RUFY3: variants seen among roughly 807,000 people sequenced by gnomAD.
RUFY3 encodes RUN and FYVE domain containing 3.
Under a neutral mutation model 84.0 loss-of-function variants are expected in RUFY3, and 34 were observed. The observed-to-expected ratio is 0.40, with a 90% CI of 0.31 to 0.54. RUFY3 has a LOEUF of 0.54. Ranked by LOEUF, RUFY3 falls within the 20% of genes least tolerant of loss-of-function variation. The pLI is 0.39. For synonymous variants in RUFY3, 242 were observed against 252.9 expected (o/e 0.96, Z 0.41); for missense variants, 507 against 736.8 (o/e 0.69, Z 3.61).
At chr4:70,708,281 C>T (rs1332699632) in intron 1 of RUFY3, among the ~76,000 whole-genome samples, 1 of 152,118 alleles carries the variant, frequency 6.6e-6, no homozygotes, top group Non-Finnish European at 1.5e-5. Context: ...AAGAGATTCT[C>T]CTGCCTCAGC....
intron 5 of RUFY3, among the ~76,000 whole-genome samples, chr4:70,769,427 C>G (rs572310522): frequency 7.9e-5 from 12 of 152,312 alleles, no homozygotes; most frequent in African/African-American, 2.9e-4. Context: ...CATACCTTAA[C>G]TTAAAAATAC....
chr4:70,744,832 T>C (rs1721931390), intron 1 of RUFY3, among the ~76,000 whole-genome samples: 1 of 151,128 alleles, frequency 6.6e-6, no homozygotes, highest in Non-Finnish European at 1.5e-5. Context: ...TTTTTGCATT[T>C]TTAGTAGAGA....
At position 70,759,697 on chromosome 4, in the gene RUFY3, C is replaced by T. The variant is rs113177467; in HGVS notation, c.179-2822C>T. 3.6e-3 allele frequency among the ~76,000 whole-genome samples: 546 copies of T among 152,184 alleles called. 2 individuals are homozygous for T. The highest frequency in any genetic ancestry group is 0.013 in the African/African-American group (530 of 41,542). ...CACACCAGCATTTTTTATTTTTTGTCTTGTTAGTAATAGCCATTCTGAGTG... is the reference window on the plus strand; with the variant it reads ...CACACCAGCATTTTTTATTTTTTGTTTTGTTAGTAATAGCCATTCTGAGTG... On this transcript the variant is annotated intron_variant, in intron 1 of 17. Transcript: ENST00000381006.
At chr4:70,774,021 T>A (rs73824892) in intron 6 of RUFY3, among the ~76,000 whole-genome samples, 11,570 of 152,276 alleles carry the variant, frequency 0.076, 714 homozygotes, top group East Asian at 0.2. Context: ...TCTTCTTGTA[T>A]ATCTAAAATT....
At chr4:70,799,125 AC>A (rs1177630023) in intron 14 of RUFY3, among the ~76,000 whole-genome samples, 2 of 150,592 alleles carry the variant, frequency 1.3e-5, no homozygotes, top group Non-Finnish European at 3.0e-5. Context: ...AGCCTGGGCG[AC>A]AGAGCAAGAC....
At chr4:70,737,600 T>A (rs1179506364) in intron 1 of RUFY3, among the ~76,000 whole-genome samples, 1 of 152,092 alleles carries the variant, frequency 6.6e-6, no homozygotes, top group Non-Finnish European at 1.5e-5. Flanking sequence ...TCAGCCCTCC[T>A]TAGCGTTCTA....
At position 70,722,222 on chromosome 4, in the gene RUFY3, C is replaced by T; in HGVS notation, c.-352C>T. On this transcript the variant is annotated 5_prime_UTR_variant, in exon 1 of 18. Coordinates refer to ENST00000381006, the MANE Select transcript of RUFY3 (RefSeq NM_001037442.4). ...TTTTTAAAGCCAGCTAAGGCAGCAT[C>T]AGCTGTGCGGGATTTAAAGCCTATA... 3 of 1,229,716 alleles carry T rather than the reference C, an allele frequency of 2.4e-6. No individual in the cohort carries two copies. Among genetic ancestry groups the T allele is most frequent in the Non-Finnish European group, 3.0e-6 (3 of 987,428 alleles). The allele number at this position is 1,229,716 out of a possible 1,614,324, so 76.2% of individuals were successfully genotyped here. A position where few individuals can be genotyped will look rare whatever the true frequency, so the allele number is the denominator to read the frequency against.
intron 1 of RUFY3, among the ~76,000 whole-genome samples, chr4:70,725,615 G>C (rs891756562): frequency 6.6e-6 from 1 of 152,176 alleles, no homozygotes; most frequent in Non-Finnish European, 1.5e-5. Context: ...ACAGGTGTGA[G>C]CCACCATGCC....
rs1256338140 is a variant in RUFY3, at chr4:70,807,916, A to T, written c.*1257A>T. On this transcript the variant is annotated 3_prime_UTR_variant, in exon 18 of 18. Coordinates refer to ENST00000381006, the MANE Select transcript of RUFY3 (RefSeq NM_001037442.4). Reference sequence around the variant, plus strand: ...ATGAGAGCTGATAGATGCTTTCTTGAAAAGGGCAATACAGTCATCCCTTGG... The same window carrying T: ...ATGAGAGCTGATAGATGCTTTCTTGTAAAGGGCAATACAGTCATCCCTTGG... Among the ~76,000 whole-genome samples the T allele has an allele frequency of 6.6e-6, 1 of 152,116 alleles. No individual in the cohort carries two copies. Among genetic ancestry groups the T allele is most frequent in the Non-Finnish European group, 1.5e-5 (1 of 68,006 alleles).
Position 70,804,329 on chromosome 4 carries a change from A to G in RUFY3, c.1651-19A>G. On this transcript the variant is annotated intron_variant, in intron 16 of 17. Transcript: ENST00000381006. ...TTTCTGGCACTAAGAAAAACTAACC[A>G]GCTCCCTGTGTGGTTTAGGATCAGC... 2 of 1,612,924 alleles carry G rather than the reference A, an allele frequency of 1.2e-6. No homozygotes were observed. The highest frequency in any genetic ancestry group is 1.7e-6 in the Non-Finnish European group (2 of 1,179,176).
In RUFY3 at chr4:70,748,405, A is replaced by G. The variant is rs539147408; in HGVS notation, c.179-14114A>G. Among the ~76,000 whole-genome samples the G allele has an allele frequency of 3.3e-4, 51 of 152,344 alleles. No individual in the cohort carries two copies. The South Asian group carries it at 5.8e-3, about 17-fold the overall frequency. ...TAGGATCTACCTCAAGTACTGCAGT[A>G]TATTGAGATTTATCACACTTTTATT... On this transcript the variant is annotated intron_variant, in intron 1 of 17. Coordinates refer to ENST00000381006, the MANE Select transcript of RUFY3 (RefSeq NM_001037442.4).
chr4:70,756,090 C>T (rs375360342), intron 1 of RUFY3, among the ~76,000 whole-genome samples: 1 of 152,188 alleles, frequency 6.6e-6, no homozygotes, highest in South Asian at 2.1e-4. Context: ...TCTGCACCAT[C>T]GTCCATCTAA....
intron 7 of RUFY3, among the ~76,000 whole-genome samples, chr4:70,776,914 A>G (rs551303173): frequency 2.0e-5 from 3 of 152,360 alleles, no homozygotes; most frequent in East Asian, 1.9e-4. Flanking sequence ...AGTGTTGTAT[A>G]TATGTTCACA....
chr4:70,759,076 A>C (rs1337933720), intron 1 of RUFY3, among the ~76,000 whole-genome samples: 2 of 152,100 alleles, frequency 1.3e-5, no homozygotes, highest in Non-Finnish European at 2.9e-5. Flanking sequence ...TCACCATACA[A>C]TGCTACAGAA....
At chr4:70,790,568 A>G (rs189321840) in intron 12 of RUFY3, among the ~76,000 whole-genome samples, 1 of 152,360 alleles carries the variant, frequency 6.6e-6, no homozygotes. Flanking sequence ...ACCTCTTTGC[A>G]GCTAGAAATG....
chr4:70,771,227 C>A (rs1027004077), intron 5 of RUFY3, among the ~76,000 whole-genome samples: 1 of 152,122 alleles, frequency 6.6e-6, no homozygotes, highest in East Asian at 1.9e-4. Flanking sequence ...AATATACTTG[C>A]ATGACGCAGG....
chr4:70,706,899 T>C (rs898857790), intron 1 of RUFY3, among the ~76,000 whole-genome samples: 16 of 152,230 alleles, frequency 1.1e-4, no homozygotes, highest in African/African-American at 3.9e-4. Flanking sequence ...AAACACCGCC[T>C]CTTTTTTTGT....
chr4:70,749,975 A>C (rs192637749), intron 1 of RUFY3, among the ~76,000 whole-genome samples: 23 of 151,556 alleles, frequency 1.5e-4, no homozygotes, highest in Middle Eastern at 3.4e-3. Context: ...CTTTTACTTT[A>C]AATTTTTTAC....
chr4:70,792,912 A>C (rs1002634031), intron 12 of RUFY3: 6 of 985,372 alleles, frequency 6.1e-6, no homozygotes, highest in Non-Finnish European at 6.0e-6. Context: ...CTCTTCATCA[A>C]CCTTTTGTGG....
Sources: allele counts gnomAD v4.1 joint callset (sites outside exome capture counted in the v4.1 genomes callset), GRCh38; gene constraint gnomAD v4.1.1; transcripts MANE v1.5; gene names NCBI Gene and HGNC (gene_info 2026-07-23, HGNC 2026-07-21).